The following SUSD4 variants were observed in gnomAD, a reference collection of about 807,000 sequenced individuals.
SUSD4 encodes the protein sushi domain containing 4, also known as sushi domain-containing protein 4.
In SUSD4, 41 loss-of-function variants were observed where a neutral mutation model predicts 50.5. That is an observed-to-expected ratio of 0.81 (90% CI 0.63 to 1.05). The LOEUF is 1.05. SUSD4 is among the 50% of genes least tolerant of loss of function. The probability of loss-of-function intolerance (pLI) is 0.00; values close to 1 mark genes in which losing one functional copy is unlikely to be tolerated. For synonymous variants in SUSD4, 257 were observed against 257.3 expected (o/e 1.00, Z 0.01); for missense variants, 580 against 634.7 (o/e 0.91, Z 0.93).
At chr1:223,344,555 C>T (rs530379758) in intron 2 of SUSD4, among the ~76,000 whole-genome samples, 4 of 152,216 alleles carry the variant, frequency 2.6e-5, no homozygotes, top group East Asian at 1.9e-4. Flanking sequence ...TGCTCACCCC[C>T]GAGAAAAGCT....
At chr1:223,268,403 C>T in intron 4 of SUSD4, 99 bp downstream of exon 4, 1 of 1,449,470 alleles carries the variant, frequency 6.9e-7, no homozygotes, top group Non-Finnish European at 9.2e-7. Flanking sequence ...TCATTTCGCC[C>T]ATCATCTCTA....
chr1:223,325,605 C>A (rs1314460287), intron 2 of SUSD4, among the ~76,000 whole-genome samples: 1 of 152,100 alleles, frequency 6.6e-6, no homozygotes, highest in African/African-American at 2.4e-5. Context: ...ATGATATTAT[C>A]ATATATCTAG....
intron 3 of SUSD4, among the ~76,000 whole-genome samples, chr1:223,273,349 T>G (rs1189561957): frequency 6.6e-6 from 1 of 152,136 alleles, no homozygotes; most frequent in Non-Finnish European, 1.5e-5. Context: ...ATTTATATCC[T>G]CAAAGGGTTT....
intron 5 of SUSD4, chr1:223,230,797 A>G (rs1659846039): frequency 6.6e-6 from 1 of 152,064 alleles, no homozygotes; most frequent in African/African-American, 2.4e-5. Context: ...CGGCTGAACT[A>G]CTCACCAGCC....
chr1:223,277,269 G>A (rs1187080246), intron 3 of SUSD4, among the ~76,000 whole-genome samples: 2 of 151,866 alleles, frequency 1.3e-5, no homozygotes, highest in South Asian at 2.1e-4. Context: ...ATATTTTAGC[G>A]AGTACTTAAA....
chr1:223,349,104 G>T (rs543248262), intron 2 of SUSD4, among the ~76,000 whole-genome samples: 3 of 152,266 alleles, frequency 2.0e-5, no homozygotes, highest in Admixed American at 2.0e-4. Context: ...CATAACATGG[G>T]CCTGTTAGAA....
intron 2 of SUSD4, among the ~76,000 whole-genome samples, chr1:223,322,581 T>C (rs1666637600): frequency 2.0e-5 from 3 of 152,102 alleles, no homozygotes; most frequent in Admixed American, 2.0e-4. Context: ...GCAAATGCCA[T>C]GAGGTAGGAG....
chr1:223,352,724 A>G (rs1245568371), intron 2 of SUSD4, among the ~76,000 whole-genome samples: 1 of 152,154 alleles, frequency 6.6e-6, no homozygotes, highest in African/African-American at 2.4e-5. Flanking sequence ...AGAGTTAGAG[A>G]TAGCAGGCAG....
intron 2 of SUSD4, among the ~76,000 whole-genome samples, chr1:223,328,759 C>A (rs1273009892): frequency 6.6e-6 from 1 of 152,216 alleles, no homozygotes; most frequent in Non-Finnish European, 1.5e-5. Context: ...ACCTCAGGGG[C>A]AGGCTCTGCT....
At chr1:223,330,514 A>ATTCTC (rs560967383) in intron 2 of SUSD4, among the ~76,000 whole-genome samples, 32 of 152,230 alleles carry the variant, frequency 2.1e-4, no homozygotes, top group Non-Finnish European at 3.2e-4. Flanking sequence ...ACAAACGAGA[A>ATTCTC]AATAAAGTCC....
intron 2 of SUSD4, among the ~76,000 whole-genome samples, chr1:223,333,537 C>T (rs980847693): frequency 3.3e-5 from 5 of 152,104 alleles, no homozygotes; most frequent in Admixed American, 1.3e-4. Flanking sequence ...ATGGCATATA[C>T]CCCCAACAAC....
intron 3 of SUSD4, among the ~76,000 whole-genome samples, chr1:223,283,712 C>G (rs1044793725): frequency 6.6e-6 from 1 of 152,132 alleles, no homozygotes; most frequent in Non-Finnish European, 1.5e-5. Context: ...ACCATTTGAC[C>G]CAGCCATCCC....
At chr1:223,356,436 G>A (rs1468631463) in intron 2 of SUSD4, among the ~76,000 whole-genome samples, 1 of 151,278 alleles carries the variant, frequency 6.6e-6, no homozygotes, top group African/African-American at 2.4e-5. Context: ...TCAGTGACAG[G>A]GTCTTGCTCT....
intron 2 of SUSD4, among the ~76,000 whole-genome samples, chr1:223,323,658 C>T (rs774262427): frequency 1.3e-5 from 2 of 152,112 alleles, no homozygotes; most frequent in Non-Finnish European, 2.9e-5. Flanking sequence ...ACCAGTCTGC[C>T]AGTGACTGTG....
At chr1:223,325,041 G>T (rs189934914) in intron 2 of SUSD4, among the ~76,000 whole-genome samples, 39 of 152,182 alleles carry the variant, frequency 2.6e-4, no homozygotes, top group African/African-American at 8.4e-4. Context: ...TTTGCCAAGT[G>T]GGGGAAGAAA....
chr1:223,301,267 C>T (rs562705863), intron 2 of SUSD4, among the ~76,000 whole-genome samples: 1 of 152,218 alleles, frequency 6.6e-6, no homozygotes, highest in South Asian at 2.1e-4. Flanking sequence ...CCAAAGCCCA[C>T]ACCTCCCAGC....
intron 2 of SUSD4, among the ~76,000 whole-genome samples, chr1:223,308,115 A>G (rs1665657756): frequency 6.6e-6 from 1 of 152,148 alleles, no homozygotes; most frequent in Non-Finnish European, 1.5e-5. Context: ...TTTTATAAGA[A>G]TATTCTGAAA....
upstream of SUSD4, among the ~76,000 whole-genome samples, chr1:223,365,043 CG>C (rs1196758746): frequency 6.6e-6 from 1 of 151,826 alleles, no homozygotes; most frequent in Non-Finnish European, 1.5e-5. Flanking sequence ...GAGGCGCTCC[CG>C]GGGGCGGGGA....
Position 223,222,071 on chromosome 1 carries a change from TG to T in SUSD4, c.*120del. On this transcript the variant is annotated 3_prime_UTR_variant, in exon 9 of 9. Transcript: ENST00000366878. ...AGCCTGAGATGCATAATGTGAACTGTGGTCCCCATGTAGACAAGTTAGACAT... is the reference window on the plus strand; with the variant it reads ...AGCCTGAGATGCATAATGTGAACTGTGTCCCCATGTAGACAAGTTAGACAT... 1 of 913,070 alleles carries T rather than the reference TG, an allele frequency of 1.1e-6. No individual in the cohort carries two copies. Among genetic ancestry groups the T allele is most frequent in the Non-Finnish European group, 1.7e-6 (1 of 592,152 alleles). The allele number at this position is 913,070 out of a possible 1,614,324, so 56.6% of individuals were successfully genotyped here.
Sources: allele counts gnomAD v4.1 joint callset (sites outside exome capture counted in the v4.1 genomes callset), GRCh38; gene constraint gnomAD v4.1.1; transcripts MANE v1.5; gene names NCBI Gene and HGNC (gene_info 2026-07-23, HGNC 2026-07-21).